Variants in SYT17 observed in about 807,000 individuals in gnomAD.
SYT17 encodes synaptotagmin-17.
SYT17 carries 22 observed loss-of-function variants against 46.7 expected under a neutral mutation model. The observed-to-expected ratio is 0.47, with a 90% confidence interval of 0.34 to 0.67. SYT17 has a LOEUF of 0.67. Among genes scored for constraint, SYT17 ranks in the 30% least tolerant of loss-of-function variants. SYT17 has a pLI of 0.01. For synonymous variants in SYT17, 251 were observed against 248.4 expected (o/e 1.01, Z -0.10); for missense variants, 519 against 612.8 (o/e 0.85, Z 1.62).
At chr16:19,229,789 C>CCAA (rs1459222643) in intron 7 of SYT17, among the ~76,000 whole-genome samples, 3 of 152,150 alleles carry the variant, frequency 2.0e-5, no homozygotes, top group Admixed American at 2.0e-4. Context: ...CTTACAACCA[C>CCAA]CAACAGGTGG....
At chr16:19,211,484 AG>A (rs1253842597) in intron 5 of SYT17, 2 of 703,750 alleles carry the variant, frequency 2.8e-6, no homozygotes, top group African/African-American at 3.5e-5. Context: ...GGAAATGACA[AG>A]GTGGTGTGAT....
At position 19,173,577 on chromosome 16, in the gene SYT17, C is replaced by A; in HGVS notation, c.181C>A (p.Leu61Met). 1.2e-6 allele frequency: 2 copies of A among 1,613,260 alleles called. No individual in the cohort carries two copies. The highest frequency in any genetic ancestry group is 2.7e-5 in the African/African-American group (2 of 74,962). ...TTTCCCTGCTCAGACCCCTCCCTGG[C>A]TGTAAGTAAAACTGCTCTGAACTTC... ...GPFPAQTPPWLMASRSSDKDG... is the reference protein window; with the variant it reads ...GPFPAQTPPWMMASRSSDKDG... Residue 61 changes from leucine (L) to methionine (M), a missense_variant and splice_region_variant, in exon 3 of 8, where the codon CTG becomes ATG. Physicochemically the swap from Leu to Met is conservative, Grantham distance 15. Transcript: ENST00000355377.
chr16:19,209,153 GC>G (rs1265000490), intron 5 of SYT17, among the ~76,000 whole-genome samples: 1 of 152,000 alleles, frequency 6.6e-6, no homozygotes, highest in East Asian at 1.9e-4. Flanking sequence ...ACAGGCGCGA[GC>G]CACTGCACCC....
At position 19,195,309 on chromosome 16, in the gene SYT17, G is replaced by A. The variant is rs367563444; in HGVS notation, c.951+11162G>A. On this transcript the variant is annotated intron_variant, in intron 5 of 7. Transcript: ENST00000355377. Reference sequence around the variant, plus strand: ...GAACCCATGTCATCCAGCTGCAGAGGCTGTACTCTCAGCCAGTCTCCTCCA... The same window carrying A: ...GAACCCATGTCATCCAGCTGCAGAGACTGTACTCTCAGCCAGTCTCCTCCA... 1.1e-3 allele frequency among the ~76,000 whole-genome samples: 171 copies of A among 152,196 alleles called. 1 individual carries two copies. The highest frequency in any genetic ancestry group is 3.9e-3 in the African/African-American group (163 of 41,524).
intron 7 of SYT17, among the ~76,000 whole-genome samples, chr16:19,230,804 A>G (rs144414055): frequency 6.6e-6 from 1 of 152,178 alleles, no homozygotes; most frequent in Admixed American, 6.5e-5. Context: ...TAAAATGGGG[A>G]TAATGGTACT....
At chr16:19,262,274 T>C (rs771497603) in intron 7 of SYT17, among the ~76,000 whole-genome samples, 2 of 152,206 alleles carry the variant, frequency 1.3e-5, no homozygotes, top group Non-Finnish European at 2.9e-5. Context: ...TCTGTCCTCA[T>C]GAATGGGGTT....
chr16:19,240,176 AG>A (rs1278486254), intron 7 of SYT17, among the ~76,000 whole-genome samples: 1 of 152,196 alleles, frequency 6.6e-6, no homozygotes, highest in Non-Finnish European at 1.5e-5. Flanking sequence ...GTGGCAAACA[AG>A]GGGCGTGTTT....
rs575585758 is a variant in SYT17 at position 19,208,323 on chromosome 16, A to T, written c.952-14722A>T. Among the ~76,000 whole-genome samples, 47 of 152,298 alleles carry T rather than the reference A, an allele frequency of 3.1e-4. No individual in the cohort carries two copies. In the East Asian group the frequency reaches 8.1e-3, roughly 26 times the overall value. ...TGTATTAGTCCTTCACACTGCTATA[A>T]AGAACCACCTGAGACTGGGCACTAC... On this transcript the variant is annotated intron_variant, in intron 5 of 7. Coordinates refer to ENST00000355377, the MANE Select transcript of SYT17 (RefSeq NM_016524.4).
rs571053295 is a variant in SYT17 at position 19,183,797 on chromosome 16, C to A, written c.601C>A (p.Leu201Ile). The change falls in exon 5 of 8, where the codon CTC becomes ATC. Residue 201 changes from leucine (L) to isoleucine (I), a missense_variant. Transcript: ENST00000355377. This position sits in a 1 kb window ranked among gnomAD's most constrained non-coding sequence, Gnocchi z 5.6. ...TCAGTACGACCTGCTGCACAACCAC[C>A]TCACCGTGCGCGTGATCGAGGCCAG... is the stretch of plus-strand genomic sequence containing the variant. ...STQYDLLHNH[L>I]TVRVIEARDL... 1.9e-6 allele frequency: 3 copies of A among 1,614,230 alleles called. No homozygotes were observed. In the Admixed American group the frequency reaches 5.0e-5, roughly 27 times the overall value.
intron 2 of SYT17, 33 bp from the exon 3 acceptor site, chr16:19,173,397 C>T (rs1964182094): frequency 4.0e-6 from 3 of 753,824 alleles, no homozygotes; most frequent in Non-Finnish European, 6.1e-6. Context: ...CCCTCTCCCC[C>T]ATCCCCCCGC....
chr16:19,179,796 C>A (rs1964474243), intron 3 of SYT17, among the ~76,000 whole-genome samples: 1 of 152,146 alleles, frequency 6.6e-6, no homozygotes, highest in African/African-American at 2.4e-5. Flanking sequence ...CTCAGCAGTT[C>A]TTTATTGGGA....
chr16:19,203,331 CA>C (rs1965538681), intron 5 of SYT17, among the ~76,000 whole-genome samples: 1 of 79,556 alleles, frequency 1.3e-5, no homozygotes, highest in African/African-American at 9.0e-5. Context: ...TCTCTACTAA[CA>C]ATACAAAAAA....
chr16:19,186,440 C>T (rs528990409), intron 5 of SYT17, among the ~76,000 whole-genome samples: 12 of 152,196 alleles, frequency 7.9e-5, no homozygotes, highest in Non-Finnish European at 1.0e-4. Flanking sequence ...GCTATGATTG[C>T]GCCGATGCAC....
At chr16:19,231,819 G>A (rs971729045) in intron 7 of SYT17, among the ~76,000 whole-genome samples, 1 of 152,160 alleles carries the variant, frequency 6.6e-6, no homozygotes, top group East Asian at 1.9e-4. Flanking sequence ...AGACATTCAC[G>A]GCCTGTGTTC....
intron 5 of SYT17, among the ~76,000 whole-genome samples, chr16:19,189,435 G>A (rs1156633843): frequency 4.0e-5 from 6 of 151,390 alleles, no homozygotes; most frequent in African/African-American, 1.5e-4. Flanking sequence ...TGAACTCCTG[G>A]GCTCAAGCAA....
intron 7 of SYT17, among the ~76,000 whole-genome samples, chr16:19,238,653 T>A (rs934001160): frequency 2.6e-5 from 4 of 152,236 alleles, no homozygotes; most frequent in African/African-American, 9.6e-5. Flanking sequence ...CTGGTGCCTT[T>A]GGATGGAACC....
At chr16:19,216,883 T>A (rs1220794845) in intron 5 of SYT17, among the ~76,000 whole-genome samples, 3 of 152,238 alleles carry the variant, frequency 2.0e-5, no homozygotes, top group Non-Finnish European at 4.4e-5. Context: ...TTATAATCCT[T>A]GGATATATAC....
chr16:19,173,566 C>T lies in SYT17; in HGVS notation c.170C>T (p.Thr57Ile). Reference sequence around the variant, plus strand: ...ATTCTGGGACCTTTCCCTGCTCAGACCCCTCCCTGGCTGTAAGTAAAACTG... The same window carrying T: ...ATTCTGGGACCTTTCCCTGCTCAGATCCCTCCCTGGCTGTAAGTAAAACTG... ...VEILGPFPAQ[T>I]PPWLMASRSS... is the part of the protein sequence containing the mutation. The change falls in exon 3 of 8, where the codon ACC becomes ATC. Residue 57 changes from threonine to isoleucine, a missense_variant. Transcript: ENST00000355377. 1 of 1,613,882 alleles carries T rather than the reference C, an allele frequency of 6.2e-7. No homozygotes were observed. The highest frequency in any genetic ancestry group is 8.5e-7 in the Non-Finnish European group (1 of 1,179,966).
intron 5 of SYT17, among the ~76,000 whole-genome samples, chr16:19,203,074 A>G (rs1170661809): frequency 6.6e-6 from 1 of 152,120 alleles, no homozygotes; most frequent in Non-Finnish European, 1.5e-5. Flanking sequence ...ACCTACTTAC[A>G]ATGTGATGTC....
Sources: allele counts gnomAD v4.1 joint callset (sites outside exome capture counted in the v4.1 genomes callset), GRCh38; gene constraint gnomAD v4.1.1; non-coding constraint Gnocchi (gnomAD v3.1); transcripts MANE v1.5; gene names NCBI Gene and HGNC (gene_info 2026-07-23, HGNC 2026-07-21).